MRPS5: variants seen among roughly 807,000 people sequenced by gnomAD.
The protein encoded by MRPS5 is small ribosomal subunit protein uS5m.
Under a neutral mutation model 51.9 loss-of-function variants are expected in MRPS5, and 27 were observed. The ratio of observed to expected loss-of-function variants is 0.52; its 90% CI spans 0.38 to 0.72. The LOEUF (loss-of-function observed/expected upper bound fraction) is 0.72, where lower values mean the gene tolerates loss of function less well. MRPS5 is among the 30% of genes least tolerant of loss of function. The probability of loss-of-function intolerance (pLI) is 0.00; values close to 1 mark genes in which losing one functional copy is unlikely to be tolerated. For missense variants in MRPS5, 570 were observed against 545.7 expected (o/e 1.04, Z -0.44); for synonymous variants, 196 against 193.2 (o/e 1.01, Z -0.12).
At chr2:95,107,653 T>C (rs1409089902) in intron 5 of MRPS5, among the ~76,000 whole-genome samples, 1 of 152,208 alleles carries the variant, frequency 6.6e-6, no homozygotes, top group Admixed American at 6.5e-5. Context: ...CTCCCACTCA[T>C]TGACAAGAAC....
At chr2:95,104,005 G>C (rs1397244190) in intron 7 of MRPS5, 2 of 152,248 alleles carry the variant, frequency 1.3e-5, no homozygotes. Flanking sequence ...CCATTTTCCT[G>C]TGTTCTTTTC....
At chr2:95,120,312 C>T (rs951054866) in intron 1 of MRPS5, among the ~76,000 whole-genome samples, 5 of 152,190 alleles carry the variant, frequency 3.3e-5, no homozygotes, top group Non-Finnish European at 5.9e-5. Flanking sequence ...ACCTTTACAA[C>T]ATTATGCTAA....
intron 10 of MRPS5, among the ~76,000 whole-genome samples, chr2:95,095,593 T>A (rs1482090251): frequency 6.6e-6 from 1 of 152,166 alleles, no homozygotes; most frequent in African/African-American, 2.4e-5. Context: ...AACAACCTGC[T>A]CCTGAATGAC....
chr2:95,087,518 C>T lies in MRPS5; in HGVS notation c.1132G>A (p.Gly378Ser). 6.2e-7 allele frequency: 1 copy of T among 1,614,188 alleles called. No individual in the cohort carries two copies. Residue 378 changes from glycine to serine, a missense_variant, in exon 12 of 12, where the codon GGC (glycine) becomes AGC (serine). By Grantham distance (56) the Gly-to-Ser change is moderately conservative. Coordinates refer to ENST00000272418, the MANE Select transcript of MRPS5 (RefSeq NM_031902.5). ...LHVVEIREEC[G>S]PLPIVVASPR... is the part of the protein sequence containing the mutation. Reference sequence around the variant, plus strand: ...GACGCAACCACAATGGGCAGAGGGCCACATTCCTCCCGGATTTCCACAACA... The same window carrying T: ...GACGCAACCACAATGGGCAGAGGGCTACATTCCTCCCGGATTTCCACAACA...
intron 8 of MRPS5, 32 bp downstream of exon 8, chr2:95,101,645 T>C (rs1675805554): frequency 6.4e-7 from 1 of 1,550,698 alleles, no homozygotes; most frequent in East Asian, 2.3e-5. Context: ...AATCTTTTAC[T>C]GAGTGTCAAC....
chr2:95,089,216 C>G (rs762755970), intron 11 of MRPS5, among the ~76,000 whole-genome samples: 3 of 152,160 alleles, frequency 2.0e-5, no homozygotes, highest in Non-Finnish European at 4.4e-5. Context: ...GTAACACACA[C>G]AAAAGCTGTT....
In MRPS5 at chr2:95,100,901, G is replaced by A; in HGVS notation, c.811-7C>T. ...GAACTGCTCTGTTCTTTGCCTGAAAGGAAAATGTTTTTCTTAACTCTATTG... is the reference window on the plus strand; with the variant it reads ...GAACTGCTCTGTTCTTTGCCTGAAAAGAAAATGTTTTTCTTAACTCTATTG... On this transcript the variant is annotated splice_region_variant and splice_polypyrimidine_tract_variant and intron_variant, in intron 8 of 11. Transcript: ENST00000272418. The A allele has an allele frequency of 6.2e-7, 1 of 1,604,580 alleles. No individual in the cohort carries two copies. Among genetic ancestry groups the A allele is most frequent in the Non-Finnish European group, 8.5e-7 (1 of 1,176,636 alleles).
At chr2:95,109,666 G>A (rs1447084744) in intron 4 of MRPS5, among the ~76,000 whole-genome samples, 5 of 152,132 alleles carry the variant, frequency 3.3e-5, no homozygotes, top group Non-Finnish European at 5.9e-5. Context: ...CCTATTTGAG[G>A]GCAGGCACTA....
At position 95,104,642 on chromosome 2, in the gene MRPS5, G is replaced by A; in HGVS notation, c.761C>T (p.Ala254Val). ...LVAVGNGKGA[A>V]GFSIGKATDR... ...TGATGCCATCACTCCCCATTCACCT[G>A]CAGCTCCTTTTCCGTTCCCCACAGC... The change falls in exon 7 of 12, where the codon GCA (alanine) becomes GTA (valine). Residue 254 changes from alanine (A) to valine (V), a missense_variant and splice_region_variant. Ala to Val is a moderately conservative substitution (Grantham distance 64). Coordinates refer to ENST00000272418, the MANE Select transcript of MRPS5 (RefSeq NM_031902.5). 1 of 1,613,972 alleles carries A rather than the reference G, an allele frequency of 6.2e-7. No homozygotes were observed. Among genetic ancestry groups the A allele is most frequent in the African/African-American group, 1.3e-5 (1 of 75,000 alleles).
At chr2:95,088,396 T>C (rs1441843211) in intron 11 of MRPS5, among the ~76,000 whole-genome samples, 2 of 152,326 alleles carry the variant, frequency 1.3e-5, no homozygotes, top group Admixed American at 1.3e-4. Context: ...GGGGATTCAC[T>C]GCAGAGGGAA....
chr2:95,108,595 GAAAC>G (rs1676022400), intron 4 of MRPS5, among the ~76,000 whole-genome samples, 187 bp from the exon 5 acceptor site: 1 of 152,138 alleles, frequency 6.6e-6, no homozygotes, highest in Non-Finnish European at 1.5e-5. Flanking sequence ...ATTACCTAGA[GAAAC>G]ACTCACATAC....
At chr2:95,112,544 T>G (rs1481022041) in intron 3 of MRPS5, among the ~76,000 whole-genome samples, 3 of 152,254 alleles carry the variant, frequency 2.0e-5, no homozygotes, top group Non-Finnish European at 4.4e-5. Context: ...AGATTCAATA[T>G]TCATAGGAAA....
In MRPS5 at chr2:95,097,001, C is replaced by T. The variant is rs368717210; in HGVS notation, c.931+3473G>A. On this transcript the variant is annotated intron_variant, in intron 10 of 11. Transcript: ENST00000272418. ...GTAACTTCAGCAAAGTCTCAGGATA[C>T]AAAATCAATGTGCAAAAATCACAAG... 8.9e-4 allele frequency among the ~76,000 whole-genome samples: 136 copies of T among 152,312 alleles called. 4 individuals carry two copies. The East Asian group carries it at 0.017, about 19-fold the overall frequency.
At chr2:95,106,706 G>A in intron 5 of MRPS5, 1 of 540,164 alleles carries the variant, frequency 1.9e-6, no homozygotes, top group Non-Finnish European at 3.3e-6. Context: ...ATCAGCTCCT[G>A]GCCCCTCCAG....
At chr2:95,095,871 G>A (rs1435112528) in intron 10 of MRPS5, among the ~76,000 whole-genome samples, 3 of 152,002 alleles carry the variant, frequency 2.0e-5, no homozygotes, top group Admixed American at 6.6e-5. Context: ...AGCACTGAAG[G>A]AAACAGACAC....
rs773402897 is a variant in MRPS5, at chr2:95,110,028, C to T, written c.291G>A (p.Glu97=). The T allele has an allele frequency of 1.3e-5, 21 of 1,613,060 alleles. No individual in the cohort carries two copies. In the South Asian group the frequency reaches 1.5e-4, roughly 12 times the overall value. The change falls in exon 4 of 12, where the codon GAG becomes GAA. Residue 97 remains glutamate, a synonymous_variant. Transcript: ENST00000272418. The stretch of plus-strand genomic sequence containing the variant: ...TCTCTGCTAAAGCGCCTTTCCACAG[C>T]TCATCTGCAGTCACTGTAACGAAAC... ...YSFFTKLTAD[E]LWKGALAETG... is the part of the protein sequence containing the mutation.
chr2:95,121,783 G>A lies in MRPS5; in HGVS notation c.9C>T (p.Thr3=), dbSNP rs748650135. 7 of 1,550,714 alleles carry A rather than the reference G, an allele frequency of 4.5e-6. No homozygotes were observed. The East Asian group carries it at 7.4e-5, about 16-fold the overall frequency. Reference sequence around the variant, plus strand: ...GGAGGCAGCCCACAGCGCGCACCGCGGTCGCCATGCTGGAGTCCGAGCCGC... The same window carrying A: ...GGAGGCAGCCCACAGCGCGCACCGCAGTCGCCATGCTGGAGTCCGAGCCGC... MA[T]AVRAVGCLPV... is the part of the protein sequence containing the mutation. The change falls in exon 1 of 12, where the codon ACC becomes ACT. Residue 3 remains threonine, a synonymous_variant. Transcript: ENST00000272418.
chr2:95,101,936 T>C (rs1675816220), intron 7 of MRPS5: 2 of 507,758 alleles, frequency 3.9e-6, no homozygotes, highest in South Asian at 5.1e-5. Context: ...GGAGGATCGC[T>C]TGAGCCCAGG....
intron 1 of MRPS5, among the ~76,000 whole-genome samples, chr2:95,119,198 C>CACAAAA (rs780017707): frequency 3.9e-5 from 6 of 152,246 alleles, no homozygotes; most frequent in South Asian, 4.1e-4. Flanking sequence ...ATAGCTATTT[C>CACAAAA]ACAAAAACAA....
Sources: allele counts gnomAD v4.1 joint callset (sites outside exome capture counted in the v4.1 genomes callset), GRCh38; gene constraint gnomAD v4.1.1; transcripts MANE v1.5; gene names NCBI Gene and HGNC (gene_info 2026-07-23, HGNC 2026-07-21).